The following CELF4 variants were observed in gnomAD, a reference collection of about 807,000 sequenced individuals.
CELF4 encodes CUG-BP- and ETR-3-like factor 4.
A neutral mutation model predicts 59.9 loss-of-function variants in CELF4; 18 were observed. The observed-to-expected ratio is 0.30, with a 90% CI of 0.21 to 0.45. CELF4 has a LOEUF of 0.45. Ranked by LOEUF, CELF4 falls within the 20% of genes least tolerant of loss-of-function variation. CELF4 has a pLI of 1.00. For synonymous variants in CELF4, 261 were observed against 267.1 expected, an observed-to-expected ratio of 0.98 and a Z score of 0.22; for missense variants, 456 against 689.0, an observed-to-expected ratio of 0.66 and a Z score of 3.79.
intron 1 of CELF4, among the ~76,000 whole-genome samples, chr18:37,513,401 C>T (rs766216070): frequency 1.3e-4 from 20 of 152,322 alleles, no homozygotes; most frequent in Non-Finnish European, 2.5e-4. Flanking sequence ...AAGCCTCATT[C>T]TTACAGGCTC....
intron 2 of CELF4, among the ~76,000 whole-genome samples, chr18:37,461,500 A>C (rs2099793396): frequency 6.6e-6 from 1 of 152,206 alleles, no homozygotes; most frequent in South Asian, 2.1e-4. Context: ...CATGAGGGGA[A>C]CCGCCCCCAT....
intron 3 of CELF4, among the ~76,000 whole-genome samples, chr18:37,314,970 G>A (rs2096815311): frequency 6.6e-6 from 1 of 152,138 alleles, no homozygotes; most frequent in Non-Finnish European, 1.5e-5. Context: ...TCGGCCGGTG[G>A]TTTCATCTGG....
chr18:37,414,591 A>G (rs1353548937), intron 2 of CELF4, among the ~76,000 whole-genome samples: 14 of 138,220 alleles, frequency 1.0e-4, no homozygotes, highest in African/African-American at 3.3e-4. Flanking sequence ...TCTGCCTCCC[A>G]GGTTCATGCC....
At chr18:37,423,016 G>C (rs1462659988) in intron 2 of CELF4, among the ~76,000 whole-genome samples, 2 of 151,752 alleles carry the variant, frequency 1.3e-5, no homozygotes, top group Non-Finnish European at 2.9e-5. Context: ...GCAGCTAGCG[G>C]TGCCTAAACA....
chr18:37,458,328 C>T (rs1301612278), intron 2 of CELF4, among the ~76,000 whole-genome samples: 1 of 152,198 alleles, frequency 6.6e-6, no homozygotes, highest in African/African-American at 2.4e-5. Flanking sequence ...GAACTCTTGC[C>T]TCTGGGAGTT....
chr18:37,292,579 C>A lies in CELF4; in HGVS notation c.449-17336G>T, dbSNP rs2095410274. Among the ~76,000 whole-genome samples, 3 of 152,248 alleles carry A rather than the reference C, an allele frequency of 2.0e-5. No homozygotes were observed. In the South Asian group the frequency reaches 6.2e-4, roughly 32 times the overall value. The stretch of plus-strand genomic sequence containing the variant: ...GGGCAGGCCAGGTACTTAGCACAGT[C>A]CCTGGAATGGAGGAAACTTGCTGCG... On this transcript the variant is annotated intron_variant, in intron 3 of 12. Transcript: ENST00000420428.
chr18:37,257,862 G>A (rs1281662373), intron 11 of CELF4, among the ~76,000 whole-genome samples: 1 of 152,144 alleles, frequency 6.6e-6, no homozygotes, highest in Non-Finnish European at 1.5e-5. Context: ...CAGAAGGAAC[G>A]GATGAAGGAG....
chr18:37,320,426 C>T (rs1221501318), intron 3 of CELF4, among the ~76,000 whole-genome samples: 1 of 151,974 alleles, frequency 6.6e-6, no homozygotes, highest in African/African-American at 2.4e-5. Context: ...CCTTTCCGGG[C>T]TGCTCCTGTC....
At chr18:37,327,439 G>A (rs961315323) in intron 2 of CELF4, among the ~76,000 whole-genome samples, 3 of 152,140 alleles carry the variant, frequency 2.0e-5, no homozygotes, top group Non-Finnish European at 4.4e-5. Flanking sequence ...AGGACTCCCC[G>A]AGGCTGGAAT....
intron 2 of CELF4, among the ~76,000 whole-genome samples, chr18:37,373,804 G>A (rs1442414907): frequency 2.0e-5 from 3 of 152,164 alleles, no homozygotes; most frequent in Non-Finnish European, 2.9e-5. Context: ...GGGGTCCCTC[G>A]TGGGAGTGCT....
intron 2 of CELF4, among the ~76,000 whole-genome samples, chr18:37,422,417 C>T (rs2099583856): frequency 6.6e-6 from 1 of 152,344 alleles, no homozygotes; most frequent in East Asian, 1.9e-4. Context: ...CTCCCCTCCC[C>T]CAGCACACTT....
chr18:37,390,819 G>T (rs2099153082), intron 2 of CELF4, among the ~76,000 whole-genome samples: 1 of 147,416 alleles, frequency 6.8e-6, no homozygotes, highest in Non-Finnish European at 1.5e-5. Flanking sequence ...GGGGGGCAGT[G>T]CTGCTGGCCG....
intron 2 of CELF4, among the ~76,000 whole-genome samples, chr18:37,471,420 G>T (rs1312006974): frequency 6.6e-6 from 1 of 152,088 alleles, no homozygotes; most frequent in Non-Finnish European, 1.5e-5. Flanking sequence ...GATGTGAAAG[G>T]CCTTCCCAAC....
chr18:37,554,731 G>T (rs774301721), intron 1 of CELF4, among the ~76,000 whole-genome samples: 1 of 152,134 alleles, frequency 6.6e-6, no homozygotes, highest in Non-Finnish European at 1.5e-5. Flanking sequence ...AGACACGGGG[G>T]TTCTCTCCTT....
chr18:37,478,079 A>G (rs1364818327), intron 2 of CELF4, among the ~76,000 whole-genome samples: 1 of 152,080 alleles, frequency 6.6e-6, no homozygotes, highest in Non-Finnish European at 1.5e-5. Context: ...GGTAGTGGAG[A>G]GCAGGAGACA....
intron 2 of CELF4, among the ~76,000 whole-genome samples, chr18:37,389,469 C>T (rs1213097045): frequency 6.6e-6 from 1 of 152,198 alleles, no homozygotes; most frequent in Non-Finnish European, 1.5e-5. Context: ...TATATTTCAT[C>T]CATCACCATC....
At chr18:37,504,867 C>A (rs968160426) in intron 1 of CELF4, among the ~76,000 whole-genome samples, 1 of 152,220 alleles carries the variant, frequency 6.6e-6, no homozygotes, top group Non-Finnish European at 1.5e-5. Context: ...TAAGTCTCAG[C>A]ATCTGGCTGG....
At chr18:37,270,459 C>T (rs921959113) in intron 8 of CELF4, among the ~76,000 whole-genome samples, 3 of 152,252 alleles carry the variant, frequency 2.0e-5, no homozygotes, top group Non-Finnish European at 2.9e-5. Context: ...TTATTTTGCA[C>T]TTACTGGCCT....
At chr18:37,327,521 G>A (rs1413038765) in intron 2 of CELF4, among the ~76,000 whole-genome samples, 1 of 152,222 alleles carries the variant, frequency 6.6e-6, no homozygotes, top group Non-Finnish European at 1.5e-5. Context: ...CACCAAAGGA[G>A]GGGAATGTCT....
Sources: allele counts gnomAD v4.1 joint callset (sites outside exome capture counted in the v4.1 genomes callset), GRCh38; gene constraint gnomAD v4.1.1; transcripts MANE v1.5; gene names NCBI Gene and HGNC (gene_info 2026-07-23, HGNC 2026-07-21).